Variants in KIF6 observed in about 807,000 individuals in gnomAD.
KIF6 encodes the protein kinesin-like protein KIF6.
In KIF6, 106 loss-of-function variants were observed where a neutral mutation model predicts 112.7. The ratio of observed to expected loss-of-function variants is 0.94; its 90% confidence interval spans 0.80 to 1.11. The LOEUF (loss-of-function observed/expected upper bound fraction) is 1.11. Ranked by LOEUF, KIF6 falls within the 50% of genes least tolerant of loss-of-function variation. The pLI is 0.00. For missense variants in KIF6, 929 were observed against 964.0 expected (o/e 0.96, Z 0.48); for synonymous variants, 339 against 339.9 (o/e 1.00, Z 0.03).
chr6:39,490,146 G>C (rs1175610143), intron 13 of KIF6, among the ~76,000 whole-genome samples: 2 of 152,158 alleles, frequency 1.3e-5, no homozygotes, highest in African/African-American at 4.8e-5. Flanking sequence ...AGGAGACAAT[G>C]CATTATTTTC....
At chr6:39,398,053 T>C (rs1039633735) in intron 15 of KIF6, among the ~76,000 whole-genome samples, 1 of 152,242 alleles carries the variant, frequency 6.6e-6, no homozygotes, top group Non-Finnish European at 1.5e-5. Context: ...AAATGGAGGC[T>C]AAATATACAG....
intron 6 of KIF6, 102 bp downstream of exon 6, chr6:39,613,087 G>A (rs1310840561): frequency 1.1e-6 from 1 of 876,752 alleles, no homozygotes; most frequent in Non-Finnish European, 1.6e-6. Context: ...TAAGGTCATT[G>A]TTGGCCCTAA....
rs139380839 is a variant in KIF6 at position 39,672,275 on chromosome 6, C to T, written c.252-32518G>A. Reference sequence around the variant, plus strand: ...GGGATTACAGGCATGAGCCACCACGCCCAGCTAGAAACTTAACTCTTGTTT... The same window carrying T: ...GGGATTACAGGCATGAGCCACCACGTCCAGCTAGAAACTTAACTCTTGTTT... On this transcript the variant is annotated intron_variant, in intron 3 of 22. Transcript: ENST00000287152. 2.2e-4 allele frequency among the ~76,000 whole-genome samples: 33 copies of T among 152,278 alleles called. 1 individual carries two copies. Among genetic ancestry groups the T allele is most frequent in the Admixed American group, 3.9e-4 (6 of 15,290 alleles).
At chr6:39,639,526 A>G in intron 4 of KIF6, 84 bp downstream of exon 4, 2 of 1,112,206 alleles carry the variant, frequency 1.8e-6, no homozygotes, top group Non-Finnish European at 2.5e-6. Context: ...ACAATAAAAT[A>G]CATGTCATAA....
chr6:39,443,130 A>AATAATG (rs1772040458), intron 13 of KIF6, among the ~76,000 whole-genome samples: 1 of 132,100 alleles, frequency 7.6e-6, no homozygotes, highest in African/African-American at 3.2e-5. Flanking sequence ...TAATAATAAT[A>AATAATG]ATAATAATAA....
chr6:39,632,248 C>T lies in KIF6; in HGVS notation c.509+2601G>A, dbSNP rs1487971584. On this transcript the variant is annotated intron_variant, in intron 5 of 22. Transcript: ENST00000287152. ...GTCTCGCAGGTGATATTTGGGGATG[C>T]TGTGTCACTCAACGGTAAGGAAGCT... Among the ~76,000 whole-genome samples, 5 of 151,756 alleles carry T rather than the reference C, an allele frequency of 3.3e-5. No individual in the cohort carries two copies. In the South Asian group the frequency reaches 8.3e-4, roughly 25 times the overall value.
intron 13 of KIF6, among the ~76,000 whole-genome samples, chr6:39,478,022 T>G (rs1774539851): frequency 6.6e-6 from 1 of 152,190 alleles, no homozygotes; most frequent in African/African-American, 2.4e-5. Context: ...TTGGATTTTA[T>G]TACATGATTT....
At chr6:39,613,121 T>G in intron 6 of KIF6, 68 bp downstream of exon 6, 1 of 1,253,292 alleles carries the variant, frequency 8.0e-7, no homozygotes, top group South Asian at 2.1e-5. Flanking sequence ...CTTTTTTTTT[T>G]CTGCCTTGGC....
intron 10 of KIF6, among the ~76,000 whole-genome samples, chr6:39,563,696 A>T (rs9394613): frequency 0.17 from 25,541 of 152,050 alleles, 2,258 homozygotes; most frequent in East Asian, 0.27. Context: ...AAGAGTTTGT[A>T]TTAATGCTTT....
intron 3 of KIF6, among the ~76,000 whole-genome samples, chr6:39,710,376 T>C (rs1430854115): frequency 6.6e-6 from 1 of 150,940 alleles, no homozygotes; most frequent in Non-Finnish European, 1.5e-5. Context: ...TAAGCCCACC[T>C]CTAAGAATCA....
rs956895605 is a variant in KIF6 at position 39,678,711 on chromosome 6, C to A, written c.251+35981G>T. 2.0e-5 allele frequency among the ~76,000 whole-genome samples: 3 copies of A among 152,188 alleles called. No homozygotes were observed. In the East Asian group the frequency reaches 5.8e-4, roughly 29 times the overall value. On this transcript the variant is annotated intron_variant, in intron 3 of 22. Coordinates refer to ENST00000287152, the MANE Select transcript of KIF6 (RefSeq NM_145027.6). ...CTCAGCAACAAAGACCTATATTAGA[C>A]CCCCTCATCAACTTGAGCCAAATTT...
intron 19 of KIF6, chr6:39,354,205 G>T: frequency 3.4e-6 from 1 of 294,686 alleles, no homozygotes; most frequent in Non-Finnish European, 6.8e-6. Flanking sequence ...TCCTGTCTCA[G>T]GCTGCCCTTG....
chr6:39,598,870 C>A (rs1002488360), intron 6 of KIF6, among the ~76,000 whole-genome samples: 1 of 151,968 alleles, frequency 6.6e-6, no homozygotes, highest in Non-Finnish European at 1.5e-5. Context: ...ATGATATGAA[C>A]ATTATGATAG....
At chr6:39,516,214 T>C (rs1777077277) in intron 13 of KIF6, among the ~76,000 whole-genome samples, 1 of 152,064 alleles carries the variant, frequency 6.6e-6, no homozygotes, top group Non-Finnish European at 1.5e-5. Flanking sequence ...AGCAGGCACT[T>C]ACATATTTAC....
At chr6:39,416,972 C>T (rs542799134) in intron 15 of KIF6, among the ~76,000 whole-genome samples, 123 of 152,238 alleles carry the variant, frequency 8.1e-4, no homozygotes, top group Middle Eastern at 3.4e-3. Flanking sequence ...GGCACCATCC[C>T]GTGCAGACAG....
At chr6:39,593,855 C>T (rs1168865846) in intron 7 of KIF6, among the ~76,000 whole-genome samples, 2 of 152,194 alleles carry the variant, frequency 1.3e-5, no homozygotes, top group Non-Finnish European at 2.9e-5. Context: ...TACCCTGCTA[C>T]AAGCTCCTCT....
chr6:39,572,659 CTTTTT>C (rs35901482), intron 10 of KIF6, among the ~76,000 whole-genome samples: 74 of 102,214 alleles, frequency 7.2e-4, no homozygotes, highest in Middle Eastern at 0.013. Context: ...GATCTACAGG[CTTTTT>C]TTTTTTTTTT....
At chr6:39,492,015 T>C in intron 13 of KIF6, among the ~76,000 whole-genome samples, 1 of 152,186 alleles carries the variant, frequency 6.6e-6, no homozygotes, top group East Asian at 1.9e-4. Context: ...AACAGCCTTT[T>C]CAGTCAGCAA....
At chr6:39,491,578 A>T (rs1448519147) in intron 13 of KIF6, among the ~76,000 whole-genome samples, 1 of 152,176 alleles carries the variant, frequency 6.6e-6, no homozygotes, top group Non-Finnish European at 1.5e-5. Context: ...TGAAATTGGG[A>T]TATTACCATA....
Sources: allele counts gnomAD v4.1 joint callset (sites outside exome capture counted in the v4.1 genomes callset), GRCh38; gene constraint gnomAD v4.1.1; transcripts MANE v1.5; gene names NCBI Gene and HGNC (gene_info 2026-07-23, HGNC 2026-07-21).